The following TOX variants were observed in gnomAD, a reference collection of about 807,000 sequenced individuals.
TOX encodes thymocyte selection-associated high mobility group box protein TOX.
In TOX, 11 loss-of-function variants were observed where a neutral mutation model predicts 53.7. The ratio of observed to expected loss-of-function variants is 0.20; its 90% CI spans 0.13 to 0.34. The LOEUF is 0.34. Among genes scored for constraint, TOX ranks in the 10% least tolerant of loss-of-function variants. The pLI is 1.00. For missense variants in TOX, 570 were observed against 664.6 expected (o/e 0.86, Z 1.56); for synonymous variants, 225 against 245.3 (o/e 0.92, Z 0.77).
chr8:59,022,991 C>T (rs1026054572), intron 1 of TOX, among the ~76,000 whole-genome samples: 3 of 152,160 alleles, frequency 2.0e-5, no homozygotes, highest in Non-Finnish European at 2.9e-5. Context: ...TGGCTAGAAA[C>T]CAGTTACTAT....
At chr8:58,828,387 T>C (rs1339155544) in intron 5 of TOX, among the ~76,000 whole-genome samples, 1 of 152,166 alleles carries the variant, frequency 6.6e-6, no homozygotes, top group Non-Finnish European at 1.5e-5. Context: ...AAAAGCCAAG[T>C]AAAATAAGGA....
At chr8:58,982,108 C>T (rs982080630) in intron 1 of TOX, among the ~76,000 whole-genome samples, 2 of 152,174 alleles carry the variant, frequency 1.3e-5, no homozygotes, top group African/African-American at 4.8e-5. Context: ...GCACTTCTAA[C>T]CACTCACTTG....
At chr8:59,003,169 T>G (rs1813725890) in intron 1 of TOX, among the ~76,000 whole-genome samples, 1 of 152,248 alleles carries the variant, frequency 6.6e-6, no homozygotes, top group South Asian at 2.1e-4. Context: ...CCCTTTTTCA[T>G]GAAACTTGTT....
At chr8:59,110,527 T>TTA (rs1382009771) in intron 1 of TOX, among the ~76,000 whole-genome samples, 1 of 152,148 alleles carries the variant, frequency 6.6e-6, no homozygotes, top group Non-Finnish European at 1.5e-5. Context: ...ATCTTGCACA[T>TTA]TATATTTCAC....
chr8:58,946,065 A>C (rs1812517883), intron 2 of TOX, among the ~76,000 whole-genome samples: 1 of 152,176 alleles, frequency 6.6e-6, no homozygotes. Flanking sequence ...TATGTTTCTC[A>C]TATAGAACTG....
At chr8:59,040,634 G>C (rs1433507358) in intron 1 of TOX, among the ~76,000 whole-genome samples, 1 of 152,184 alleles carries the variant, frequency 6.6e-6, no homozygotes, top group Non-Finnish European at 1.5e-5. Flanking sequence ...GCCAACTACT[G>C]AAGTGCAATA....
intron 1 of TOX, among the ~76,000 whole-genome samples, chr8:59,087,866 G>A (rs1041249450): frequency 2.6e-5 from 4 of 152,118 alleles, no homozygotes; most frequent in Non-Finnish European, 4.4e-5. Flanking sequence ...AACCGATTAT[G>A]TTTCACAAGA....
At position 58,805,522 on chromosome 8, in the gene TOX, T is replaced by C. The variant is rs1809959375; in HGVS notation, c.*2225A>G. 1 of 152,680 alleles carries C rather than the reference T, an allele frequency of 6.5e-6. No individual in the cohort carries two copies. Among genetic ancestry groups the C allele is most frequent in the African/African-American group, 2.4e-5 (1 of 41,474 alleles). 9.5% of individuals were successfully genotyped at this position (152,680 alleles called of 1,614,324 possible). A position where few individuals can be genotyped will look rare whatever the true frequency, so the allele number is the denominator to read the frequency against. The stretch of plus-strand genomic sequence containing the variant: ...ACACTCTCTACCCTGGTCGCACAGC[T>C]GCTCTAGAAAAGCTGTAAACAACAC... On this transcript the variant is annotated 3_prime_UTR_variant, in exon 9 of 9. Coordinates refer to ENST00000361421, the MANE Select transcript of TOX (RefSeq NM_014729.3).
chr8:59,017,441 G>A (rs1004678829), intron 1 of TOX, among the ~76,000 whole-genome samples: 3 of 152,154 alleles, frequency 2.0e-5, no homozygotes, highest in African/African-American at 7.2e-5. Context: ...GAGGGAAACA[G>A]CTTAACAAGT....
chr8:58,821,545 A>G (rs1253324534), intron 6 of TOX, among the ~76,000 whole-genome samples: 1 of 152,166 alleles, frequency 6.6e-6, no homozygotes, highest in African/African-American at 2.4e-5. Context: ...GCAGATCTCC[A>G]GAGCTAATTC....
At chr8:59,048,331 C>T (rs988478115) in intron 1 of TOX, among the ~76,000 whole-genome samples, 6 of 152,222 alleles carry the variant, frequency 3.9e-5, no homozygotes, top group African/African-American at 1.4e-4. Context: ...AGCAATCACT[C>T]TCTGTCTGAA....
chr8:59,069,366 AACAGGCTTGGGAGGAGAGGTGTT>A (rs1804152613), intron 1 of TOX, among the ~76,000 whole-genome samples: 1 of 152,194 alleles, frequency 6.6e-6, no homozygotes, highest in East Asian at 1.9e-4. Flanking sequence ...TAGGAAAACA[AACAGGCTTGGGAGGAGAGGTGTT>A]ATGTTTGATC....
At chr8:59,068,404 G>A (rs1033313240) in intron 1 of TOX, among the ~76,000 whole-genome samples, 16 of 147,002 alleles carry the variant, frequency 1.1e-4, no homozygotes, top group Non-Finnish European at 2.1e-4. Flanking sequence ...AAACAAGAAA[G>A]AGGAAGAAGA....
chr8:58,900,941 C>G (rs1156964131), intron 3 of TOX, among the ~76,000 whole-genome samples: 1 of 151,938 alleles, frequency 6.6e-6, no homozygotes, highest in Non-Finnish European at 1.5e-5. Context: ...ATTTCATTGT[C>G]AACAGAATGC....
At chr8:58,842,319 G>C (rs997587317) in intron 4 of TOX, among the ~76,000 whole-genome samples, 6 of 152,126 alleles carry the variant, frequency 3.9e-5, no homozygotes. Context: ...GAACAAAAAA[G>C]ACAGAAAAAA....
chr8:59,003,480 T>C (rs1283623393), intron 1 of TOX, among the ~76,000 whole-genome samples: 2 of 152,206 alleles, frequency 1.3e-5, no homozygotes, highest in Non-Finnish European at 2.9e-5. Context: ...ACAGTTTTTA[T>C]GGAAGTTCAG....
At chr8:59,053,834 T>C (rs1803837632) in intron 1 of TOX, among the ~76,000 whole-genome samples, 1 of 152,234 alleles carries the variant, frequency 6.6e-6, no homozygotes, top group Non-Finnish European at 1.5e-5. Flanking sequence ...CTTATAATTC[T>C]AGTAATTCAA....
intron 1 of TOX, among the ~76,000 whole-genome samples, chr8:59,031,777 G>A (rs1814361437): frequency 6.6e-6 from 1 of 152,108 alleles, no homozygotes; most frequent in Non-Finnish European, 1.5e-5. Context: ...GTGACCCTGA[G>A]GTGGGAATAA....
At chr8:58,903,748 G>A (rs1811767477) in intron 3 of TOX, among the ~76,000 whole-genome samples, 1 of 152,088 alleles carries the variant, frequency 6.6e-6, no homozygotes. Context: ...TTCCTTTGAG[G>A]GAGAAAACTG....
Sources: gnomAD v4.1 joint callset for allele counts (sites outside exome capture counted in the v4.1 genomes callset) on GRCh38, gnomAD v4.1.1 for gene constraint, MANE v1.5 for transcripts, NCBI Gene and HGNC (gene_info 2026-07-23, HGNC 2026-07-21) for gene names.